The following PLD1 variants were observed in gnomAD, a reference collection of about 807,000 sequenced individuals.
PLD1 encodes the protein choline phosphatase 1.
PLD1 carries 112 observed loss-of-function variants against 137.1 expected under a neutral mutation model. The ratio of observed to expected loss-of-function variants is 0.82; its 90% CI spans 0.70 to 0.96. The LOEUF (loss-of-function observed/expected upper bound fraction) is 0.96. Among genes scored for constraint, PLD1 ranks in the 40% least tolerant of loss-of-function variants. PLD1 has a pLI of 0.00. For missense variants in PLD1, 1,321 were observed against 1,342.0 expected (o/e 0.98, Z 0.24); for synonymous variants, 431 against 454.7 (o/e 0.95, Z 0.66).
intron 12 of PLD1, among the ~76,000 whole-genome samples, chr3:171,695,186 A>G (rs1347030839): frequency 6.6e-6 from 1 of 152,224 alleles, no homozygotes; most frequent in East Asian, 1.9e-4. Context: ...GTAGGCTTAT[A>G]CAAAATGTGG....
chr3:171,697,237 C>T (rs1004187861), intron 12 of PLD1, among the ~76,000 whole-genome samples: 1 of 97,316 alleles, frequency 1.0e-5, no homozygotes, highest in African/African-American at 3.9e-5. Context: ...TTCCGGACAC[C>T]TTTTTTTTTT....
intron 21 of PLD1, among the ~76,000 whole-genome samples, chr3:171,649,877 G>C (rs963275374): frequency 6.6e-6 from 1 of 152,188 alleles, no homozygotes; most frequent in African/African-American, 2.4e-5. Flanking sequence ...TCAATGGAAT[G>C]ATCACCTTGT....
At chr3:171,682,073 G>A (rs1463547841) in intron 16 of PLD1, among the ~76,000 whole-genome samples, 2 of 141,356 alleles carry the variant, frequency 1.4e-5, no homozygotes, top group African/African-American at 2.6e-5. Flanking sequence ...TGTTCTGCAC[G>A]TGTATCCCAG....
intron 25 of PLD1, among the ~76,000 whole-genome samples, chr3:171,608,621 A>G (rs759669819): frequency 6.6e-6 from 1 of 152,200 alleles, no homozygotes; most frequent in Non-Finnish European, 1.5e-5. Context: ...GCCAGAACAG[A>G]TAGTGATTCA....
At chr3:171,642,959 G>A in intron 22 of PLD1, 70 bp from the exon 23 acceptor site, 1 of 833,494 alleles carries the variant, frequency 1.2e-6, no homozygotes, top group Non-Finnish European at 2.0e-6. Context: ...GTATCTGTAG[G>A]TTTAATCCTA....
chr3:171,805,102 GTC>G (rs1158833133), intron 1 of PLD1, among the ~76,000 whole-genome samples: 3 of 152,102 alleles, frequency 2.0e-5, no homozygotes, highest in East Asian at 1.9e-4. Flanking sequence ...GGCCTCAGAA[GTC>G]TCTCTCTCTC....
chr3:171,634,427 T>C (rs1001365505), intron 23 of PLD1, among the ~76,000 whole-genome samples: 1 of 152,196 alleles, frequency 6.6e-6, no homozygotes, highest in Non-Finnish European at 1.5e-5. Context: ...TTTATCGATA[T>C]ATCTTTTATA....
rs189718966 is a variant in PLD1 at position 171,777,787 on chromosome 3, C to T, written c.-32+32612G>A. Among the ~76,000 whole-genome samples the T allele has an allele frequency of 3.2e-3, 488 of 152,220 alleles. 3 individuals are homozygous for T. The highest frequency in any genetic ancestry group is 4.0e-3 in the Non-Finnish European group (275 of 68,012). On this transcript the variant is annotated intron_variant, in intron 1 of 26. Coordinates refer to ENST00000351298, the MANE Select transcript of PLD1 (RefSeq NM_002662.5). ...CCTCTACAAAGCATTTTCAGGTCACCCTGCTTTAAAAAAAAACAAAATTGC... is the reference window on the plus strand; with the variant it reads ...CCTCTACAAAGCATTTTCAGGTCACTCTGCTTTAAAAAAAAACAAAATTGC...
rs528375982 is a variant in PLD1, at chr3:171,633,897, A to G, written c.2593+8943T>C. ...ATCTCTGAAGACTGGTATATCAGATAATTATATACTAATAGCTGCTGGTTT... is the reference window on the plus strand; with the variant it reads ...ATCTCTGAAGACTGGTATATCAGATGATTATATACTAATAGCTGCTGGTTT... On this transcript the variant is annotated intron_variant, in intron 23 of 26. Transcript: ENST00000351298. Among the ~76,000 whole-genome samples, 7 of 152,352 alleles carry G rather than the reference A, an allele frequency of 4.6e-5. No homozygotes were observed. The South Asian group carries it at 1.4e-3, about 32-fold the overall frequency.
intron 9 of PLD1, among the ~76,000 whole-genome samples, chr3:171,712,195 CAG>C (rs1717293516): frequency 6.6e-6 from 1 of 152,170 alleles, no homozygotes; most frequent in Non-Finnish European, 1.5e-5. Context: ...GTCATGAAGA[CAG>C]GGAGAGGCTG....
chr3:171,729,355 C>T (rs1223744160), intron 6 of PLD1, among the ~76,000 whole-genome samples: 1 of 152,210 alleles, frequency 6.6e-6, no homozygotes, highest in Non-Finnish European at 1.5e-5. Context: ...ATACTAAAAA[C>T]GTTAGAGAAA....
intron 19 of PLD1, among the ~76,000 whole-genome samples, chr3:171,668,910 T>C (rs1255669756): frequency 3.3e-5 from 5 of 152,210 alleles, no homozygotes. Context: ...ACCTTCTCTG[T>C]GTAGAAGCAG....
intron 25 of PLD1, chr3:171,611,467 T>C: frequency 2.5e-6 from 1 of 402,380 alleles, no homozygotes; most frequent in Non-Finnish European, 4.9e-6. Context: ...GCGCAGCCCT[T>C]GAAAGTTCTA....
intron 16 of PLD1, among the ~76,000 whole-genome samples, chr3:171,678,804 T>C (rs1205083360): frequency 6.6e-6 from 1 of 152,176 alleles, no homozygotes; most frequent in Non-Finnish European, 1.5e-5. Flanking sequence ...ATCTTTCTAG[T>C]CCTTGTTTTT....
At position 171,688,873 on chromosome 3, in the gene PLD1, T is replaced by C; in HGVS notation, c.1342A>G (p.Met448Val). 6.2e-7 allele frequency: 1 copy of C among 1,611,896 alleles called. No homozygotes were observed. The highest frequency in any genetic ancestry group is 8.5e-7 in the Non-Finnish European group (1 of 1,178,038). ...GATGACACATGATCCGGGTGTCTCA[T>C]CACCTTGAGAGGGAATAATCCCCAC... ...LMRLHPNIKVMRHPDHVSSTV... is the reference protein window; with the variant it reads ...LMRLHPNIKVVRHPDHVSSTV... The change falls in exon 14 of 27, where the codon ATG (methionine) becomes GTG (valine). Residue 448 changes from methionine (M) to valine (V), a missense_variant. Met to Val is a conservative substitution (Grantham distance 21). Transcript: ENST00000351298.
At chr3:171,714,719 C>T (rs1181916958) in intron 8 of PLD1, among the ~76,000 whole-genome samples, 4 of 151,922 alleles carry the variant, frequency 2.6e-5, no homozygotes, top group Non-Finnish European at 5.9e-5. Flanking sequence ...TGTAGACAGA[C>T]CTACATTGAT....
chr3:171,727,226 A>G (rs1199073195), intron 6 of PLD1, among the ~76,000 whole-genome samples: 1 of 152,210 alleles, frequency 6.6e-6, no homozygotes, highest in Non-Finnish European at 1.5e-5. Context: ...CCTCTGTTTT[A>G]GAGAAGTCAA....
intron 22 of PLD1, among the ~76,000 whole-genome samples, chr3:171,644,036 A>T (rs540639519): frequency 7.2e-5 from 11 of 152,216 alleles, no homozygotes; most frequent in Admixed American, 2.0e-4. Flanking sequence ...GCAGGAGGGC[A>T]TCTAAGTCTC....
intron 1 of PLD1, among the ~76,000 whole-genome samples, chr3:171,773,342 C>T (rs1286170921): frequency 6.6e-6 from 1 of 152,154 alleles, no homozygotes; most frequent in Non-Finnish European, 1.5e-5. Context: ...GCCTGTAAGC[C>T]CAGCACGTTG....
Sources: allele counts gnomAD v4.1 joint callset (sites outside exome capture counted in the v4.1 genomes callset), GRCh38; gene constraint gnomAD v4.1.1; transcripts MANE v1.5; gene names NCBI Gene and HGNC (gene_info 2026-07-23, HGNC 2026-07-21).